MARCHF4: variants seen among roughly 807,000 people sequenced by gnomAD.
MARCHF4 encodes the protein E3 ubiquitin-protein ligase MARCHF4.
Under a neutral mutation model 43.9 loss-of-function variants are expected in MARCHF4, and 14 were observed. That is an observed-to-expected ratio of 0.32 (90% CI 0.21 to 0.50). The LOEUF (loss-of-function observed/expected upper bound fraction) is 0.50. Ranked by LOEUF, MARCHF4 falls within the 20% of genes least tolerant of loss-of-function variation. MARCHF4 has a pLI of 0.98. For synonymous variants in MARCHF4, 226 were observed against 213.3 expected (o/e 1.06, Z -0.52); for missense variants, 468 against 536.7 (o/e 0.87, Z 1.27).
In MARCHF4 at chr2:216,370,375, C is replaced by T; in HGVS notation, c.-115G>A. The T allele has an allele frequency of 1.3e-6, 1 of 782,504 alleles. No homozygotes were observed. The highest frequency in any genetic ancestry group is 1.9e-6 in the Non-Finnish European group (1 of 514,418). The allele number at this position is 782,504 out of a possible 1,614,324, so 48.5% of individuals were successfully genotyped here. On this transcript the variant is annotated 5_prime_UTR_variant, in exon 1 of 4. Coordinates refer to ENST00000273067, the MANE Select transcript of MARCHF4 (RefSeq NM_020814.3). ...GTGTTGTGGGGGGAGTCTGCTTTCT[C>T]ACTGGCTTTTCTTACAACCCCTCCA...
At chr2:216,315,332 A>T (rs980328575) in intron 1 of MARCHF4, among the ~76,000 whole-genome samples, 2 of 152,224 alleles carry the variant, frequency 1.3e-5, no homozygotes, top group Non-Finnish European at 2.9e-5. Context: ...GTCGGTGGGA[A>T]TGTGCATTGG....
At chr2:216,276,059 G>T (rs1691017276) in intron 3 of MARCHF4, among the ~76,000 whole-genome samples, 1 of 152,226 alleles carries the variant, frequency 6.6e-6, no homozygotes, top group Admixed American at 6.5e-5. Context: ...AATGTTTGTT[G>T]TAAGGCACTG....
chr2:216,302,056 T>C (rs1229613567), intron 1 of MARCHF4, among the ~76,000 whole-genome samples: 1 of 152,060 alleles, frequency 6.6e-6, no homozygotes, highest in Non-Finnish European at 1.5e-5. Flanking sequence ...GCAAGCAAAA[T>C]CATTGCTTTC....
intron 1 of MARCHF4, among the ~76,000 whole-genome samples, chr2:216,336,289 C>T (rs1692156088): frequency 6.6e-6 from 1 of 152,036 alleles, no homozygotes; most frequent in Non-Finnish European, 1.5e-5. Flanking sequence ...AAAATGACAA[C>T]ATTCTGGTGT....
chr2:216,278,172 A>T (rs1691058636), intron 2 of MARCHF4, among the ~76,000 whole-genome samples: 1 of 152,184 alleles, frequency 6.6e-6, no homozygotes, highest in Non-Finnish European at 1.5e-5. Flanking sequence ...GGAACAATGA[A>T]AATGCAGAGC....
At chr2:216,324,725 T>C (rs1426575449) in intron 1 of MARCHF4, among the ~76,000 whole-genome samples, 8 of 140,946 alleles carry the variant, frequency 5.7e-5, no homozygotes, top group Non-Finnish European at 1.2e-4. Flanking sequence ...CACATGATTA[T>C]CTCAATAGAT....
At position 216,259,139 on chromosome 2, in the gene MARCHF4, G is replaced by T; in HGVS notation, c.*173C>A. On this transcript the variant is annotated 3_prime_UTR_variant, in exon 4 of 4. Coordinates refer to ENST00000273067, the MANE Select transcript of MARCHF4 (RefSeq NM_020814.3). ...GAGTGGCATTGACTGATTGGAAATA[G>T]CAGAACTGCTCCTGCACCAGCCTCA... The T allele has an allele frequency of 3.6e-6, 3 of 839,074 alleles. No individual in the cohort carries two copies. The highest frequency in any genetic ancestry group is 2.6e-5 in the Admixed American group (1 of 38,466). 52.0% of individuals were successfully genotyped at this position (839,074 alleles called of 1,614,324 possible).
intron 2 of MARCHF4, among the ~76,000 whole-genome samples, chr2:216,278,842 T>G (rs916706128): frequency 2.6e-5 from 4 of 152,242 alleles, no homozygotes; most frequent in Admixed American, 2.6e-4. Context: ...GTTTCAACTC[T>G]GAAAGTCTAT....
chr2:216,349,794 G>A (rs1208588317), intron 1 of MARCHF4, among the ~76,000 whole-genome samples: 2 of 152,158 alleles, frequency 1.3e-5, no homozygotes, highest in Non-Finnish European at 2.9e-5. Flanking sequence ...CAAAAGGTTA[G>A]GGTCAGACCT....
intron 1 of MARCHF4, among the ~76,000 whole-genome samples, chr2:216,284,695 G>A (rs916847490): frequency 2.6e-5 from 4 of 152,038 alleles, no homozygotes; most frequent in Non-Finnish European, 2.9e-5. Context: ...TGAAATTACG[G>A]ATTTCCATCT....
intron 1 of MARCHF4, among the ~76,000 whole-genome samples, chr2:216,355,401 C>A (rs1692486724): frequency 6.6e-6 from 1 of 152,156 alleles, no homozygotes; most frequent in Non-Finnish European, 1.5e-5. Flanking sequence ...CAATGACATG[C>A]AAAATCAGTC....
chr2:216,334,043 C>T (rs1336913298), intron 1 of MARCHF4, among the ~76,000 whole-genome samples: 2 of 151,822 alleles, frequency 1.3e-5, no homozygotes, highest in African/African-American at 2.4e-5. Context: ...TGCCCGTATC[C>T]TAAACCATGG....
intron 1 of MARCHF4, chr2:216,303,275 A>C (rs1020568164): frequency 1.6e-4 from 24 of 152,278 alleles, no homozygotes; most frequent in African/African-American, 5.5e-4. Flanking sequence ...CCCACTATTG[A>C]AAACAGCTCA....
At chr2:216,315,858 A>G (rs1474298814) in intron 1 of MARCHF4, among the ~76,000 whole-genome samples, 1 of 152,174 alleles carries the variant, frequency 6.6e-6, no homozygotes, top group Non-Finnish European at 1.5e-5. Context: ...GATGGGTAAA[A>G]AGTGAGTCAT....
chr2:216,335,873 G>C (rs559401890), intron 1 of MARCHF4, among the ~76,000 whole-genome samples: 1 of 152,016 alleles, frequency 6.6e-6, no homozygotes, highest in Non-Finnish European at 1.5e-5. Flanking sequence ...TTCAAGACCA[G>C]CCTGGCCAAC....
intron 1 of MARCHF4, among the ~76,000 whole-genome samples, chr2:216,353,953 C>T (rs1163250239): frequency 6.6e-6 from 1 of 152,228 alleles, no homozygotes; most frequent in East Asian, 1.9e-4. Flanking sequence ...AAGGAAGCTT[C>T]TGAACCCACA....
Position 216,277,847 on chromosome 2 carries a change from C to T in MARCHF4, c.690G>A (p.Leu230=). ...KNPLQWQAIS[L]TVIEKVQVAA... ...CAACCTGAACCTTCTCAATGACCGT[C>T]AGAGAGATGGCCTGCCACTGCAGGG... The change falls in exon 3 of 4, where the codon CTG becomes CTA. Residue 230 remains leucine, a synonymous_variant. Coordinates refer to ENST00000273067, the MANE Select transcript of MARCHF4 (RefSeq NM_020814.3). The T allele has an allele frequency of 6.2e-7, 1 of 1,611,692 alleles. No individual in the cohort carries two copies. The highest frequency in any genetic ancestry group is 1.1e-5 in the South Asian group (1 of 90,948).
At chr2:216,355,870 C>T (rs1315384255) in intron 1 of MARCHF4, among the ~76,000 whole-genome samples, 3 of 152,144 alleles carry the variant, frequency 2.0e-5, no homozygotes, top group African/African-American at 7.2e-5. Context: ...CCAGCCTATT[C>T]CCCCAACCCC....
At chr2:216,367,341 TC>T (rs1429853663) in intron 1 of MARCHF4, among the ~76,000 whole-genome samples, 13 of 151,356 alleles carry the variant, frequency 8.6e-5, no homozygotes, top group Admixed American at 2.6e-4. Flanking sequence ...TCTCTCTCTA[TC>T]CCTCTCTTTC....
Sources: allele counts gnomAD v4.1 joint callset (sites outside exome capture counted in the v4.1 genomes callset), GRCh38; gene constraint gnomAD v4.1.1; transcripts MANE v1.5; gene names NCBI Gene and HGNC (gene_info 2026-07-23, HGNC 2026-07-21).